Variants in NECAB1 observed in about 807,000 individuals in gnomAD.
NECAB1 encodes the protein N-terminal EF-hand calcium binding protein 1, also known as N-terminal EF-hand calcium-binding protein 1.
NECAB1 carries 29 observed loss-of-function variants against 57.5 expected under a neutral mutation model. That is an observed-to-expected ratio of 0.50 (90% CI 0.38 to 0.69). The LOEUF (loss-of-function observed/expected upper bound fraction) is 0.69, where lower values mean the gene tolerates loss of function less well. Ranked by LOEUF, NECAB1 falls within the 30% of genes least tolerant of loss-of-function variation. The probability of loss-of-function intolerance (pLI) is 0.00; values close to 1 mark genes in which losing one functional copy is unlikely to be tolerated. For missense variants in NECAB1, 372 were observed against 413.8 expected (o/e 0.90, Z 0.88); for synonymous variants, 142 against 147.7 (o/e 0.96, Z 0.28).
At chr8:90,798,131 G>C (rs1479849011) in intron 1 of NECAB1, among the ~76,000 whole-genome samples, 1 of 152,068 alleles carries the variant, frequency 6.6e-6, no homozygotes, top group Non-Finnish European at 1.5e-5. Context: ...GCTGCACCAC[G>C]CCAATACCTG....
chr8:90,796,384 AC>A (rs1389661961), intron 1 of NECAB1, among the ~76,000 whole-genome samples: 1 of 152,218 alleles, frequency 6.6e-6, no homozygotes, highest in Non-Finnish European at 1.5e-5. Flanking sequence ...TCAGGAATCT[AC>A]CAAGGGACTA....
chr8:90,884,102 G>A (rs754790575), intron 5 of NECAB1, among the ~76,000 whole-genome samples: 2 of 152,136 alleles, frequency 1.3e-5, no homozygotes, highest in Non-Finnish European at 2.9e-5. Context: ...GAGTGCAGCC[G>A]TGAAATTTTC....
In NECAB1 at chr8:90,802,961, A is replaced by T. The variant is rs1811785534; in HGVS notation, c.124+1246A>T. 4.0e-5 allele frequency among the ~76,000 whole-genome samples: 6 copies of T among 151,876 alleles called. No individual in the cohort carries two copies. The South Asian group carries it at 1.2e-3, about 32-fold the overall frequency. On this transcript the variant is annotated intron_variant, in intron 2 of 12. Transcript: ENST00000417640. ...ACCCAGACTGGAGTGCAGTGGTGGGATCTTGGCTTACTGCAACCTCCGTCT... is the reference window on the plus strand; with the variant it reads ...ACCCAGACTGGAGTGCAGTGGTGGGTTCTTGGCTTACTGCAACCTCCGTCT...
intron 2 of NECAB1, among the ~76,000 whole-genome samples, chr8:90,822,992 A>G (rs969434522): frequency 6.6e-6 from 1 of 151,816 alleles, no homozygotes; most frequent in Non-Finnish European, 1.5e-5. Context: ...CACAGTAGAA[A>G]TACCACACTA....
intron 3 of NECAB1, among the ~76,000 whole-genome samples, chr8:90,861,066 T>G (rs1352148581): frequency 1.3e-5 from 2 of 152,318 alleles, no homozygotes; most frequent in African/African-American, 4.8e-5. Context: ...TTTTGCAGAT[T>G]GCTTTATTTT....
intron 2 of NECAB1, among the ~76,000 whole-genome samples, chr8:90,808,934 C>T (rs879453849): frequency 1.7e-4 from 26 of 152,066 alleles, no homozygotes; most frequent in Admixed American, 9.2e-4. Context: ...CGTGAGCCAC[C>T]GCGCCCGGCC....
In NECAB1 at chr8:90,958,005, C is replaced by A. The variant is rs558078229; in HGVS notation, c.*2493C>A. 3.4e-4 allele frequency: 51 copies of A among 149,794 alleles called. No individual in the cohort carries two copies. Among genetic ancestry groups the A allele is most frequent in the African/African-American group, 1.2e-3 (50 of 41,046 alleles). 9.3% of individuals were successfully genotyped at this position (149,794 alleles called of 1,614,324 possible). ...GTGAAACAAACTTTTTGCCAATAGA[C>A]CTAGGGATCTAAGAAATAGAATTAG... On this transcript the variant is annotated 3_prime_UTR_variant, in exon 13 of 13. Coordinates refer to ENST00000417640, the MANE Select transcript of NECAB1 (RefSeq NM_022351.5).
At position 90,951,212 on chromosome 8, in the gene NECAB1, T is replaced by C. The variant is rs778857194; in HGVS notation, c.1030+8T>C. On this transcript the variant is annotated splice_region_variant and intron_variant, in intron 12 of 12. Coordinates refer to ENST00000417640, the MANE Select transcript of NECAB1 (RefSeq NM_022351.5). The stretch of plus-strand genomic sequence containing the variant: ...CTACAATGCTAGTTCCTGGTAATTA[T>C]CCTGGGTTTACAATGCTTCTGTGTC... 9 of 1,532,592 alleles carry C rather than the reference T, an allele frequency of 5.9e-6. No individual in the cohort carries two copies. The East Asian group carries it at 2.1e-4, about 36-fold the overall frequency. The allele number at this position is 1,532,592 out of a possible 1,614,324, so 94.9% of individuals were successfully genotyped here. A position where few individuals can be genotyped will look rare whatever the true frequency, so the allele number is the denominator to read the frequency against.
At chr8:90,830,647 G>T (rs768653945) in intron 3 of NECAB1, among the ~76,000 whole-genome samples, 1 of 152,064 alleles carries the variant, frequency 6.6e-6, no homozygotes, top group African/African-American at 2.4e-5. Flanking sequence ...TCCATGAACC[G>T]AGGCTTGGCT....
chr8:90,914,759 CTAACTT>C (rs1809912248), intron 5 of NECAB1, among the ~76,000 whole-genome samples: 1 of 152,120 alleles, frequency 6.6e-6, no homozygotes, highest in African/African-American at 2.4e-5. Context: ...TCTTAATTAT[CTAACTT>C]TAACATCATC....
intron 3 of NECAB1, among the ~76,000 whole-genome samples, chr8:90,849,039 A>G (rs1179882534): frequency 6.6e-6 from 1 of 152,138 alleles, no homozygotes; most frequent in African/African-American, 2.4e-5. Flanking sequence ...TGATTCAATT[A>G]CCTCCCACCC....
At chr8:90,861,729 A>G (rs1808387452) in intron 3 of NECAB1, among the ~76,000 whole-genome samples, 1 of 152,174 alleles carries the variant, frequency 6.6e-6, no homozygotes, top group Non-Finnish European at 1.5e-5. Flanking sequence ...TGAAAAAAAT[A>G]TTATTAACCT....
intron 3 of NECAB1, among the ~76,000 whole-genome samples, chr8:90,862,967 T>C (rs1028498074): frequency 8.5e-5 from 13 of 152,114 alleles, no homozygotes; most frequent in African/African-American, 3.1e-4. Flanking sequence ...TTTTAAACTT[T>C]ATATATTGCT....
At chr8:90,934,688 A>G (rs1259583562) in intron 9 of NECAB1, among the ~76,000 whole-genome samples, 2 of 152,154 alleles carry the variant, frequency 1.3e-5, no homozygotes, top group Non-Finnish European at 2.9e-5. Flanking sequence ...AAATCCTGCT[A>G]TGTTGTACAC....
chr8:90,817,812 G>T (rs1403178614), intron 2 of NECAB1, among the ~76,000 whole-genome samples: 1 of 151,794 alleles, frequency 6.6e-6, no homozygotes, highest in African/African-American at 2.4e-5. Flanking sequence ...TTAGGCTAAT[G>T]CTAGCTTCAT....
chr8:90,827,699 C>T (rs1439843860), intron 3 of NECAB1, among the ~76,000 whole-genome samples: 1 of 151,602 alleles, frequency 6.6e-6, no homozygotes, highest in Non-Finnish European at 1.5e-5. Flanking sequence ...AATTTTTTTC[C>T]TTTTATCTCA....
At chr8:90,832,844 A>G (rs1416394107) in intron 3 of NECAB1, among the ~76,000 whole-genome samples, 1 of 152,162 alleles carries the variant, frequency 6.6e-6, no homozygotes, top group African/African-American at 2.4e-5. Flanking sequence ...AGCTCTTTCC[A>G]TTGCCATATC....
chr8:90,858,232 G>A (rs1314046958), intron 3 of NECAB1, among the ~76,000 whole-genome samples: 1 of 152,066 alleles, frequency 6.6e-6, no homozygotes, highest in Non-Finnish European at 1.5e-5. Flanking sequence ...AATATCAAAG[G>A]CTGTATCAAT....
chr8:90,799,519 T>A (rs1161957692), intron 1 of NECAB1, among the ~76,000 whole-genome samples: 1 of 152,246 alleles, frequency 6.6e-6, no homozygotes. Flanking sequence ...TTCATTCTTC[T>A]GCATATGACC....
Sources: allele counts gnomAD v4.1 joint callset (sites outside exome capture counted in the v4.1 genomes callset), GRCh38; gene constraint gnomAD v4.1.1; transcripts MANE v1.5; gene names NCBI Gene and HGNC (gene_info 2026-07-23, HGNC 2026-07-21).